The following LHFPL3 variants were observed in gnomAD, a reference collection of about 807,000 sequenced individuals.
The protein encoded by LHFPL3 is LHFPL tetraspan subfamily member 3 protein.
A neutral mutation model predicts 19.3 loss-of-function variants in LHFPL3; 5 were observed. The observed-to-expected ratio is 0.26, with a 90% CI of 0.14 to 0.54. LHFPL3 has a LOEUF of 0.54. LHFPL3 is among the 20% of genes least tolerant of loss of function. LHFPL3 has a pLI of 0.94. For missense variants in LHFPL3, 249 were observed against 307.4 expected (o/e 0.81, Z 1.42); for synonymous variants, 133 against 126.2 (o/e 1.05, Z -0.36).
In LHFPL3 at chr7:104,713,339, G is replaced by A. The variant is rs138328248; in HGVS notation, c.446-23336G>A. ...CACATTGCTATAAAGAACTACCTGA[G>A]GCTGGGTAATTTATAAAGAAAAGAG... On this transcript the variant is annotated intron_variant, in intron 1 of 2. Transcript: ENST00000424859. 1.2e-4 allele frequency among the ~76,000 whole-genome samples: 18 copies of A among 152,328 alleles called. No individual in the cohort carries two copies. The East Asian group carries it at 3.3e-3, about 28-fold the overall frequency.
At chr7:104,749,448 T>C (rs1289435035) in intron 2 of LHFPL3, among the ~76,000 whole-genome samples, 2 of 152,174 alleles carry the variant, frequency 1.3e-5, no homozygotes, top group Non-Finnish European at 2.9e-5. Flanking sequence ...CACTGAAACC[T>C]GGTGGCTGGT....
chr7:104,757,698 A>G (rs1011463100), intron 2 of LHFPL3: 2 of 152,594 alleles, frequency 1.3e-5, no homozygotes, highest in East Asian at 3.9e-4. Flanking sequence ...AAAGACAAAA[A>G]ACAACAGAAG....
At chr7:104,655,555 G>A (rs976019773) in intron 1 of LHFPL3, among the ~76,000 whole-genome samples, 2 of 152,224 alleles carry the variant, frequency 1.3e-5, no homozygotes, top group African/African-American at 4.8e-5. Flanking sequence ...TATCAAACAT[G>A]ACTCTTATGT....
In LHFPL3 at chr7:104,381,752, C is replaced by T. The variant is rs1790833558; in HGVS notation, c.445+52528C>T. Among the ~76,000 whole-genome samples the T allele has an allele frequency of 3.3e-5, 5 of 152,300 alleles. No individual in the cohort carries two copies. The South Asian group carries it at 1.0e-3, about 32-fold the overall frequency. On this transcript the variant is annotated intron_variant, in intron 1 of 2. Transcript: ENST00000424859. Reference sequence around the variant, plus strand: ...TGATGAATCTCTAATCATCCATTTACATTCTACCAAAAACACTGTTGTAAA... The same window carrying T: ...TGATGAATCTCTAATCATCCATTTATATTCTACCAAAAACACTGTTGTAAA...
intron 1 of LHFPL3, among the ~76,000 whole-genome samples, chr7:104,591,955 T>G (rs1790734122): frequency 6.6e-6 from 1 of 152,236 alleles, no homozygotes; most frequent in Admixed American, 6.5e-5. Flanking sequence ...TGCCACGGTT[T>G]TCAGCTCCAT....
intron 1 of LHFPL3, among the ~76,000 whole-genome samples, chr7:104,563,771 A>T (rs1054445690): frequency 2.6e-5 from 4 of 152,192 alleles, no homozygotes; most frequent in Admixed American, 2.6e-4. Flanking sequence ...CAGCACTTTG[A>T]TCTTACACTT....
intron 2 of LHFPL3, among the ~76,000 whole-genome samples, chr7:104,742,609 A>C (rs1210826870): frequency 1.3e-5 from 2 of 152,200 alleles, no homozygotes; most frequent in Non-Finnish European, 2.9e-5. Flanking sequence ...ACACCAGCTG[A>C]GGAGCCTTGG....
intron 1 of LHFPL3, among the ~76,000 whole-genome samples, chr7:104,532,762 A>G (rs931863210): frequency 1.3e-5 from 2 of 152,180 alleles, no homozygotes; most frequent in Admixed American, 1.3e-4. Context: ...CATTACTATC[A>G]CAAAAATTAT....
chr7:104,702,039 G>A (rs4730036), intron 1 of LHFPL3, among the ~76,000 whole-genome samples: 2 of 151,630 alleles, frequency 1.3e-5, no homozygotes, highest in African/African-American at 4.9e-5. Flanking sequence ...CCCCCACCCC[G>A]TGACAGGCCC....
chr7:104,424,309 A>G (rs536953907), intron 1 of LHFPL3, among the ~76,000 whole-genome samples: 3 of 152,352 alleles, frequency 2.0e-5, no homozygotes, highest in South Asian at 4.1e-4. Context: ...TTGGGGAATC[A>G]GATGGTTGTC....
At chr7:104,776,601 T>A (rs1794640493) in intron 2 of LHFPL3, among the ~76,000 whole-genome samples, 1 of 152,198 alleles carries the variant, frequency 6.6e-6, no homozygotes, top group African/African-American at 2.4e-5. Context: ...TTCTAACACA[T>A]TCCCAGCGGA....
chr7:104,349,961 C>A (rs1790142016), intron 1 of LHFPL3, among the ~76,000 whole-genome samples: 1 of 152,138 alleles, frequency 6.6e-6, no homozygotes, highest in African/African-American at 2.4e-5. Context: ...GTGCCATTTG[C>A]TGAGAGCTTT....
chr7:104,875,529 A>C (rs1345437324), intron 2 of LHFPL3, among the ~76,000 whole-genome samples: 1 of 152,190 alleles, frequency 6.6e-6, no homozygotes, highest in Non-Finnish European at 1.5e-5. Flanking sequence ...ATAGTGTTAC[A>C]TTCCTCCCAG....
intron 2 of LHFPL3, among the ~76,000 whole-genome samples, chr7:104,800,859 A>C (rs1191586095): frequency 5.3e-5 from 8 of 152,228 alleles, no homozygotes; most frequent in Admixed American, 1.3e-4. Context: ...GGCAAAGTGC[A>C]ATAAAAGATC....
chr7:104,791,029 T>G (rs1790014115), intron 2 of LHFPL3, among the ~76,000 whole-genome samples: 1 of 152,262 alleles, frequency 6.6e-6, no homozygotes, highest in Admixed American at 6.5e-5. Flanking sequence ...ACTTTAGTCT[T>G]TAACATTGTT....
At chr7:104,559,971 C>A (rs1263509696) in intron 1 of LHFPL3, among the ~76,000 whole-genome samples, 30 of 150,180 alleles carry the variant, frequency 2.0e-4, no homozygotes, top group African/African-American at 6.5e-4. Context: ...TGTTTATATG[C>A]TGGATTACAT....
At chr7:104,606,736 C>G (rs1436186402) in intron 1 of LHFPL3, among the ~76,000 whole-genome samples, 2 of 152,140 alleles carry the variant, frequency 1.3e-5, no homozygotes, top group Non-Finnish European at 2.9e-5. Context: ...AGTTATCACT[C>G]AAATCAGTAT....
At chr7:104,603,107 T>A (rs1791009958) in intron 1 of LHFPL3, among the ~76,000 whole-genome samples, 1 of 141,378 alleles carries the variant, frequency 7.1e-6, no homozygotes, top group Non-Finnish European at 1.5e-5. Context: ...TCTTTCTTTC[T>A]TTCTTTCTTT....
At chr7:104,531,828 C>T (rs781081244) in intron 1 of LHFPL3, among the ~76,000 whole-genome samples, 1 of 152,146 alleles carries the variant, frequency 6.6e-6, no homozygotes, top group Non-Finnish European at 1.5e-5. Context: ...TGGGGCTCTC[C>T]TCCTGGTGGT....
Sources: gnomAD v4.1 joint callset for allele counts (sites outside exome capture counted in the v4.1 genomes callset) on GRCh38, gnomAD v4.1.1 for gene constraint, MANE v1.5 for transcripts, NCBI Gene and HGNC (gene_info 2026-07-23, HGNC 2026-07-21) for gene names.